RFC3: variants seen among roughly 807,000 people sequenced by gnomAD.
RFC3 encodes the protein A1 38 kDa subunit.
Under a neutral mutation model 45.1 loss-of-function variants are expected in RFC3, and 41 were observed. The ratio of observed to expected loss-of-function variants is 0.91; its 90% CI spans 0.71 to 1.18. RFC3 has a LOEUF of 1.18. Among genes scored for constraint, RFC3 ranks in the 50% most tolerant of loss-of-function variants. The pLI is 0.00. For synonymous variants in RFC3, 149 were observed against 144.0 expected (o/e 1.03, Z -0.25); for missense variants, 423 against 428.1 (o/e 0.99, Z 0.10).
intron 8 of RFC3, among the ~76,000 whole-genome samples, chr13:33,852,950 C>A (rs942276214): frequency 6.6e-5 from 10 of 152,102 alleles, no homozygotes; most frequent in Admixed American, 6.6e-4. Context: ...AGACAAGATT[C>A]CATTGTAGAG....
intron 8 of RFC3, among the ~76,000 whole-genome samples, chr13:33,937,661 A>C (rs2082895686): frequency 6.6e-6 from 1 of 152,194 alleles, no homozygotes; most frequent in African/African-American, 2.4e-5. Context: ...AATACACAGA[A>C]GATAATCACA....
chr13:33,958,695 T>C lies in RFC3; in HGVS notation c.880-7392T>C, dbSNP rs148418457. On this transcript the variant is annotated intron_variant, in intron 8 of 8. Coordinates refer to the RFC3 transcript ENST00000434425. ...CTTGATGTGGCTTCTGGGAAGACTG[T>C]GGAAAGCTCTGAATGTCAAGTATGT... is the stretch of plus-strand genomic sequence containing the variant. Among the ~76,000 whole-genome samples, 283 of 152,328 alleles carry C rather than the reference T, an allele frequency of 1.9e-3. 4 individuals carry two copies. The highest frequency in any genetic ancestry group is 6.5e-3 in the African/African-American group (270 of 41,574).
Position 33,928,890 on chromosome 13 carries a change from G to A in RFC3, c.880-37197G>A, listed in dbSNP as rs551603445. Reference sequence around the variant, plus strand: ...GTTAGTTGCCCTAGAAAATAGAATTGGGATTCTTTGTAGAAGAATATGCCC... The same window carrying A: ...GTTAGTTGCCCTAGAAAATAGAATTAGGATTCTTTGTAGAAGAATATGCCC... On this transcript the variant is annotated intron_variant, in intron 8 of 8. Transcript: ENST00000434425. Among the ~76,000 whole-genome samples, 4 of 152,126 alleles carry A rather than the reference G, an allele frequency of 2.6e-5. No individual in the cohort carries two copies. In the East Asian group the frequency reaches 5.8e-4, roughly 22 times the overall value.
chr13:33,903,160 C>A (rs2082651937), intron 8 of RFC3, among the ~76,000 whole-genome samples: 2 of 152,062 alleles, frequency 1.3e-5, no homozygotes, highest in Admixed American at 6.6e-5. Flanking sequence ...TACTCTCTCT[C>A]CATCTTGCTC....
chr13:33,848,007 C>A (rs980745222), intron 8 of RFC3: 13 of 152,216 alleles, frequency 8.5e-5, no homozygotes, highest in African/African-American at 3.1e-4. Flanking sequence ...AAGATTCTCT[C>A]CCTGGGTGAC....
intron 8 of RFC3, among the ~76,000 whole-genome samples, chr13:33,884,471 C>G (rs1262860306): frequency 6.6e-6 from 1 of 152,184 alleles, no homozygotes; most frequent in Non-Finnish European, 1.5e-5. Flanking sequence ...CCCAGTTATT[C>G]TCATTTCTAC....
chr13:33,969,934 T>A (rs1208725175), downstream of RFC3, among the ~76,000 whole-genome samples: 3 of 150,596 alleles, frequency 2.0e-5, no homozygotes, highest in South Asian at 2.1e-4. Flanking sequence ...TGCCTTCAAC[T>A]TTTATTTTAT....
chr13:33,911,945 GCTCATCCACACTTGA>G (rs1432682422), intron 8 of RFC3, among the ~76,000 whole-genome samples: 1 of 152,014 alleles, frequency 6.6e-6, no homozygotes, highest in African/African-American at 2.4e-5. Context: ...TCTTGTCAGA[GCTCATCCACACTTGA>G]TACTACCACT....
At chr13:33,973,916 G>C in the RFC3 span, among the ~76,000 whole-genome samples, 1 of 151,940 alleles carries the variant, frequency 6.6e-6, no homozygotes, top group Non-Finnish European at 1.5e-5. Flanking sequence ...TTTGTTTCTA[G>C]GCTGTATCCC....
At chr13:33,872,095 G>T (rs962649984) in intron 8 of RFC3, among the ~76,000 whole-genome samples, 1 of 151,980 alleles carries the variant, frequency 6.6e-6, no homozygotes, top group African/African-American at 2.4e-5. Context: ...GAGAACTCTT[G>T]CCTAATATCT....
At chr13:33,864,362 AG>A (rs2082360253) in intron 8 of RFC3, among the ~76,000 whole-genome samples, 1 of 152,188 alleles carries the variant, frequency 6.6e-6, no homozygotes, top group African/African-American at 2.4e-5. Context: ...TGGAAAGGCT[AG>A]GCCTACCTAG....
intron 8 of RFC3, among the ~76,000 whole-genome samples, chr13:33,851,297 CG>C (rs1015978495): frequency 6.6e-6 from 1 of 152,076 alleles, no homozygotes; most frequent in Non-Finnish European, 1.5e-5. Context: ...TGAACAATGT[CG>C]GGGGTTGGAG....
intron 8 of RFC3, among the ~76,000 whole-genome samples, chr13:33,948,396 G>A (rs2082967783): frequency 6.6e-6 from 1 of 152,204 alleles, no homozygotes; most frequent in Non-Finnish European, 1.5e-5. Flanking sequence ...GGATGTTCAG[G>A]CACAAGTTTG....
At chr13:33,900,515 C>T (rs2082633576) in intron 8 of RFC3, among the ~76,000 whole-genome samples, 1 of 148,574 alleles carries the variant, frequency 6.7e-6, no homozygotes, top group African/African-American at 2.6e-5. Flanking sequence ...CTCTGTCTAT[C>T]ACCATATAGA....
intron 8 of RFC3, among the ~76,000 whole-genome samples, chr13:33,862,576 C>A (rs945324127): frequency 6.6e-6 from 1 of 151,740 alleles, no homozygotes; most frequent in Non-Finnish European, 1.5e-5. Context: ...ACACACATGT[C>A]AAAATATTTT....
At chr13:33,890,716 T>A (rs1240660890) in intron 8 of RFC3, among the ~76,000 whole-genome samples, 2 of 152,208 alleles carry the variant, frequency 1.3e-5, no homozygotes, top group African/African-American at 2.4e-5. Context: ...GTAATCTTAT[T>A]GATGATGAAA....
rs76196563 is a variant in RFC3, at chr13:33,934,577, A to G, written c.880-31510A>G. 4.0e-4 allele frequency among the ~76,000 whole-genome samples: 61 copies of G among 152,178 alleles called. No individual in the cohort carries two copies. In the East Asian group the frequency reaches 0.011, roughly 28 times the overall value. On this transcript the variant is annotated intron_variant, in intron 8 of 8. Coordinates refer to the RFC3 transcript ENST00000434425. ...CCCAGCCTGGGAGTCTCTTCTTTCT[A>G]TAGCTGGTGTCCCAGATTCCCAGTT...
At chr13:33,961,798 G>C (rs1466045427) in intron 8 of RFC3, among the ~76,000 whole-genome samples, 1 of 152,206 alleles carries the variant, frequency 6.6e-6, no homozygotes, top group Non-Finnish European at 1.5e-5. Context: ...CCAGAGATTG[G>C]AAATAGTGCT....
intron 8 of RFC3, among the ~76,000 whole-genome samples, chr13:33,871,345 G>A (rs2082408302): frequency 6.6e-6 from 1 of 152,184 alleles, no homozygotes. Context: ...AGAAGCTCCA[G>A]GGAAGAATCC....
Sources: allele counts gnomAD v4.1 joint callset (sites outside exome capture counted in the v4.1 genomes callset), GRCh38; gene constraint gnomAD v4.1.1; transcripts MANE v1.5; gene names NCBI Gene and HGNC (gene_info 2026-07-23, HGNC 2026-07-21).